Variants in RNF32 observed in about 807,000 individuals in gnomAD.
RNF32 encodes ring finger protein 32.
RNF32 carries 36 observed loss-of-function variants against 41.0 expected under a neutral mutation model. The observed-to-expected ratio is 0.88, with a 90% CI of 0.67 to 1.16. The LOEUF (loss-of-function observed/expected upper bound fraction) is 1.16, where lower values mean the gene tolerates loss of function less well. Ranked by LOEUF, RNF32 falls within the 50% of genes most tolerant of loss-of-function variation. RNF32 has a pLI of 0.00. For synonymous variants in RNF32, 154 were observed against 160.9 expected (o/e 0.96, Z 0.32); for missense variants, 413 against 436.7 (o/e 0.95, Z 0.48).
intron 7 of RNF32, among the ~76,000 whole-genome samples, chr7:156,660,575 C>T (rs1161180985): frequency 1.3e-5 from 2 of 152,154 alleles, no homozygotes; most frequent in Admixed American, 6.5e-5. Context: ...CCTCAAATTC[C>T]TGGGCTGAAG....
chr7:156,657,977 G>A, intron 5 of RNF32, 151 bp from the exon 6 acceptor site: 1 of 749,738 alleles, frequency 1.3e-6, no homozygotes, highest in Non-Finnish European at 2.2e-6. Context: ...GGTAGCACCT[G>A]ATGAAGCCTC....
rs937274097 is a variant in RNF32 at position 156,669,496 on chromosome 7, G to A, written c.685-6200G>A. Among the ~76,000 whole-genome samples, 3 of 152,152 alleles carry A rather than the reference G, an allele frequency of 2.0e-5. No individual in the cohort carries two copies. The highest frequency in any genetic ancestry group is 1.9e-4 in the East Asian group (1 of 5,184). On this transcript the variant is annotated intron_variant, in intron 7 of 8. Coordinates refer to ENST00000317955, the MANE Select transcript of RNF32 (RefSeq NM_030936.4). The surrounding 1 kb of genome is among the most constrained non-coding windows in gnomAD (Gnocchi z 4.2). ...CCTCTGTCCAGGCAGAGGGCAGCAC[G>A]GCTTAGCATGTGGGAGGGGCAGGCT...
chr7:156,647,996 G>A (rs550075091), intron 3 of RNF32, among the ~76,000 whole-genome samples: 3 of 149,608 alleles, frequency 2.0e-5, no homozygotes, highest in Non-Finnish European at 4.4e-5. Flanking sequence ...ATATCTGTTC[G>A]TATCATTTGC....
chr7:156,660,785 C>T (rs1800530045), intron 7 of RNF32, among the ~76,000 whole-genome samples: 1 of 152,236 alleles, frequency 6.6e-6, no homozygotes, highest in South Asian at 2.1e-4. Flanking sequence ...GAAACCCACT[C>T]TCAAGGAGTC....
At chr7:156,644,827 A>C (rs1584999875) in intron 3 of RNF32, 70 bp downstream of exon 3, 4 of 1,436,038 alleles carry the variant, frequency 2.8e-6, no homozygotes, top group East Asian at 4.6e-5. Flanking sequence ...TAATAGTATA[A>C]TTTTTTATGT....
Position 156,644,626 on chromosome 7 carries a change from A to G in RNF32, c.143A>G (p.Glu48Gly). 6.2e-7 allele frequency: 1 copy of G among 1,613,732 alleles called. No individual in the cohort carries two copies. Among genetic ancestry groups the G allele is most frequent in the South Asian group, 1.1e-5 (1 of 91,066 alleles). ...DHSKTQVQKK[E>G]NKSLKRDTKA... ...TCTAAGACACAAGTACAAAAGAAAG[A>G]GAACAAATCTCTAAAAAGAGATACA... Residue 48 changes from glutamate to glycine, a missense_variant, in exon 3 of 9, where the codon GAG (glutamate) becomes GGG (glycine). Glu to Gly is a moderately conservative substitution (Grantham distance 98, BLOSUM62 -2). Transcript: ENST00000317955.
At chr7:156,649,067 A>G (rs1490214168) in intron 3 of RNF32, among the ~76,000 whole-genome samples, 2 of 152,114 alleles carry the variant, frequency 1.3e-5, no homozygotes, top group Admixed American at 1.3e-4. Flanking sequence ...TCTCCTTCCA[A>G]GGCTTCTGCT....
intron 3 of RNF32, 49 bp from the exon 4 acceptor site, chr7:156,654,527 C>T (rs1379744864): frequency 3.9e-6 from 6 of 1,554,256 alleles, no homozygotes; most frequent in Non-Finnish European, 4.4e-6. Flanking sequence ...AGGTGGGTGC[C>T]ATATGCTAAA....
At chr7:156,648,750 G>T (rs1012216584) in intron 3 of RNF32, among the ~76,000 whole-genome samples, 1 of 152,040 alleles carries the variant, frequency 6.6e-6, no homozygotes, top group Admixed American at 6.5e-5. Context: ...GTAATCTCTT[G>T]TTGATTTAGC....
At chr7:156,644,876 G>C (rs1797791959) in intron 3 of RNF32, 119 bp downstream of exon 3, 1 of 1,054,966 alleles carries the variant, frequency 9.5e-7, no homozygotes, top group Non-Finnish European at 1.4e-6. Context: ...AGAGAGGTGT[G>C]TATGTATTGA....
Position 156,644,655 on chromosome 7 carries a change from G to A in RNF32, c.172G>A (p.Ala58Thr). ...CAAATCTCTAAAAAGAGATACAAAG[G>A]CAATAATAGATACTGGACTTAAAAA... ...ENKSLKRDTK[A>T]IIDTGLKKTT... Residue 58 changes from alanine (A) to threonine (T), a missense_variant, in exon 3 of 9, where the codon GCA becomes ACA. Coordinates refer to ENST00000317955, the MANE Select transcript of RNF32 (RefSeq NM_030936.4). 6.2e-7 allele frequency: 1 copy of A among 1,612,666 alleles called. No homozygotes were observed. Among genetic ancestry groups the A allele is most frequent in the Non-Finnish European group, 8.5e-7 (1 of 1,178,848 alleles).
intron 7 of RNF32, among the ~76,000 whole-genome samples, chr7:156,666,538 G>A (rs1428696832): frequency 6.6e-6 from 1 of 152,224 alleles, no homozygotes; most frequent in Non-Finnish European, 1.5e-5. Flanking sequence ...CTTGTGGTAA[G>A]AATTGAAAAG....
rs2131629350 is a variant in RNF32, at chr7:156,670,094, G to T, written c.685-5602G>T. 6.6e-6 allele frequency among the ~76,000 whole-genome samples: 1 copy of T among 152,234 alleles called. No homozygotes were observed. The highest frequency in any genetic ancestry group is 2.4e-5 in the African/African-American group (1 of 41,528). Reference sequence around the variant, plus strand: ...GAAAAAATTAAATTATAAATTTTATGACTTTCACAGTGCATCTTTACACCA... The same window carrying T: ...GAAAAAATTAAATTATAAATTTTATTACTTTCACAGTGCATCTTTACACCA... On this transcript the variant is annotated intron_variant, in intron 7 of 8. Coordinates refer to ENST00000317955, the MANE Select transcript of RNF32 (RefSeq NM_030936.4). This position sits in a 1 kb window ranked among gnomAD's most constrained non-coding sequence, Gnocchi z 4.3.
chr7:156,644,748 T>C lies in RNF32; in HGVS notation c.265T>C (p.Leu89=), dbSNP rs762035889. ...EYVLDPKPPP[L]TLAQKLGLIG... ...TGTTCTTGATCCCAAACCGCCGCCGTTGACTTTGGGTAAGCTGACGTAGTC... is the reference window on the plus strand; with the variant it reads ...TGTTCTTGATCCCAAACCGCCGCCGCTGACTTTGGGTAAGCTGACGTAGTC... Residue 89 remains leucine, a synonymous_variant, in exon 3 of 9, where the codon TTG becomes CTG. Coordinates refer to ENST00000317955, the MANE Select transcript of RNF32 (RefSeq NM_030936.4). The C allele has an allele frequency of 1.9e-6, 3 of 1,607,126 alleles. No homozygotes were observed. The highest frequency in any genetic ancestry group is 2.2e-5 in the East Asian group (1 of 44,858).
chr7:156,660,559 G>A (rs570957858), intron 7 of RNF32, among the ~76,000 whole-genome samples: 6 of 152,250 alleles, frequency 3.9e-5, no homozygotes, highest in African/African-American at 1.4e-4. Flanking sequence ...ATATTGCCCA[G>A]GCTGGCCTCA....
chr7:156,642,242 AAG>A, intron 1 of RNF32, among the ~76,000 whole-genome samples: 2 of 152,342 alleles, frequency 1.3e-5, no homozygotes, highest in East Asian at 3.9e-4. Context: ...TGATATAAAT[AAG>A]AGGAAAGTTC....
chr7:156,673,646 C>T (rs1297690502), intron 7 of RNF32, among the ~76,000 whole-genome samples: 1 of 152,184 alleles, frequency 6.6e-6, no homozygotes, highest in Non-Finnish European at 1.5e-5. Context: ...ATTCAAACCC[C>T]AACCCTTGTG....
intron 1 of RNF32, 110 bp from the exon 2 acceptor site, chr7:156,643,691 G>A (rs936812240): frequency 1.3e-5 from 8 of 624,918 alleles, no homozygotes; most frequent in Non-Finnish European, 2.3e-5. Context: ...CCCTGTAGCA[G>A]GCATTCCTGC....
chr7:156,646,539 G>A lies in RNF32; in HGVS notation c.274+1782G>A, dbSNP rs929975087. 5 of 1,285,832 alleles carry A rather than the reference G, an allele frequency of 3.9e-6. No individual in the cohort carries two copies. The African/African-American group carries it at 7.6e-5, about 20-fold the overall frequency. 79.7% of individuals were successfully genotyped at this position (1,285,832 alleles called of 1,614,324 possible). On this transcript the variant is annotated intron_variant, in intron 3 of 8. Transcript: ENST00000317955. ...CTGCAAAGACCCTATTTCCAAATAAGGTCAACATCCAGAGGTTCCAGGTGA... is the reference window on the plus strand; with the variant it reads ...CTGCAAAGACCCTATTTCCAAATAAAGTCAACATCCAGAGGTTCCAGGTGA...
Sources: allele counts gnomAD v4.1 joint callset (sites outside exome capture counted in the v4.1 genomes callset), GRCh38; gene constraint gnomAD v4.1.1; non-coding constraint Gnocchi (gnomAD v3.1); transcripts MANE v1.5; gene names NCBI Gene and HGNC (gene_info 2026-07-23, HGNC 2026-07-21).